Variants in PDE7B observed in about 807,000 individuals in gnomAD.
PDE7B encodes phosphodiesterase 7B.
Under a neutral mutation model 56.2 loss-of-function variants are expected in PDE7B, and 29 were observed. The observed-to-expected ratio is 0.52, with a 90% CI of 0.38 to 0.70. The LOEUF (loss-of-function observed/expected upper bound fraction) is 0.70. PDE7B is among the 30% of genes least tolerant of loss of function. The probability of loss-of-function intolerance (pLI) is 0.00; values close to 1 mark genes in which losing one functional copy is unlikely to be tolerated. For synonymous variants in PDE7B, 197 were observed against 196.9 expected (o/e 1.00, Z 0.00); for missense variants, 490 against 565.0 (o/e 0.87, Z 1.35).
chr6:136,000,943 C>T (rs1775657221), intron 2 of PDE7B, among the ~76,000 whole-genome samples: 1 of 152,204 alleles, frequency 6.6e-6, no homozygotes, highest in Non-Finnish European at 1.5e-5. Context: ...AACTGGGAGG[C>T]ACCCCCCAGT....
intron 2 of PDE7B, among the ~76,000 whole-genome samples, chr6:136,066,635 A>G (rs1422284968): frequency 6.6e-6 from 1 of 152,202 alleles, no homozygotes; most frequent in Non-Finnish European, 1.5e-5. Context: ...CCTTTTTAGG[A>G]TTTTTAAAAA....
At chr6:136,142,209 T>G (rs1228743477) in intron 3 of PDE7B, among the ~76,000 whole-genome samples, 1 of 152,212 alleles carries the variant, frequency 6.6e-6, no homozygotes, top group East Asian at 1.9e-4. Context: ...CATTTCGTTA[T>G]GTACCCAGTA....
chr6:135,909,768 C>T (rs1229770416), intron 1 of PDE7B, among the ~76,000 whole-genome samples: 1 of 152,036 alleles, frequency 6.6e-6, no homozygotes, highest in East Asian at 1.9e-4. Context: ...AAAGTGTCTA[C>T]GCAAAAGTGG....
At chr6:136,138,812 A>G (rs903780339) in intron 3 of PDE7B, among the ~76,000 whole-genome samples, 2 of 152,118 alleles carry the variant, frequency 1.3e-5, no homozygotes, top group Non-Finnish European at 2.9e-5. Flanking sequence ...AAAGTACACA[A>G]ATAAAGAATA....
chr6:136,015,612 G>C (rs1017336345), intron 2 of PDE7B, among the ~76,000 whole-genome samples: 1 of 152,076 alleles, frequency 6.6e-6, no homozygotes, highest in Non-Finnish European at 1.5e-5. Context: ...GAGAACGAGG[G>C]GGAAATTGTC....
chr6:136,007,286 T>G (rs1476288347), intron 2 of PDE7B, among the ~76,000 whole-genome samples: 1 of 152,216 alleles, frequency 6.6e-6, no homozygotes, highest in East Asian at 1.9e-4. Context: ...ATTAGCCTTT[T>G]GATGTGCTGC....
chr6:136,146,587 C>T (rs1342797290), intron 3 of PDE7B, among the ~76,000 whole-genome samples: 2 of 152,122 alleles, frequency 1.3e-5, no homozygotes, highest in African/African-American at 2.4e-5. Context: ...ATATTAGAAA[C>T]CATTTCCTCA....
At chr6:136,038,140 T>TA in intron 2 of PDE7B, 5 of 1,289,064 alleles carry the variant, frequency 3.9e-6, no homozygotes, top group Non-Finnish European at 5.0e-6. Flanking sequence ...GAGAGGATCT[T>TA]ACGGGGGTTC....
chr6:135,892,837 A>G (rs1226929235), intron 1 of PDE7B, among the ~76,000 whole-genome samples: 1 of 152,208 alleles, frequency 6.6e-6, no homozygotes, highest in Non-Finnish European at 1.5e-5. Context: ...TGCCTTATTT[A>G]CAGTGTATTT....
intron 1 of PDE7B, among the ~76,000 whole-genome samples, chr6:135,897,289 G>GTGT (rs1775919387): frequency 4.8e-5 from 7 of 145,592 alleles, no homozygotes; most frequent in African/African-American, 1.9e-4. Context: ...TGTGTGTGTG[G>GTGT]GTATGTGTGT....
chr6:136,164,696 T>C (rs1778765976), intron 8 of PDE7B, among the ~76,000 whole-genome samples: 1 of 152,166 alleles, frequency 6.6e-6, no homozygotes, highest in East Asian at 1.9e-4. Flanking sequence ...ATTTAGACTT[T>C]CATTGCAGAG....
intron 11 of PDE7B, among the ~76,000 whole-genome samples, chr6:136,184,272 T>C (rs1445937426): frequency 6.6e-6 from 1 of 152,170 alleles, no homozygotes; most frequent in Non-Finnish European, 1.5e-5. Context: ...GTCTGAAACA[T>C]AAACGTGTTG....
rs537185111 is a variant in PDE7B at position 135,853,473 on chromosome 6, T to C, written c.21+1454T>C. 1.2e-4 allele frequency among the ~76,000 whole-genome samples: 18 copies of C among 152,342 alleles called. No individual in the cohort carries two copies. The East Asian group carries it at 3.1e-3, about 26-fold the overall frequency. ...CCTCCATTTCCTCTGCTTTATCTTT[T>C]ATTACTGGCTGGTGAAACAAAGACA... On this transcript the variant is annotated intron_variant, in intron 1 of 12. Coordinates refer to ENST00000308191, the MANE Select transcript of PDE7B (RefSeq NM_018945.4).
At chr6:136,173,304 G>C (rs1432015196) in intron 8 of PDE7B, among the ~76,000 whole-genome samples, 2 of 151,728 alleles carry the variant, frequency 1.3e-5, no homozygotes, top group African/African-American at 4.8e-5. Context: ...CCAAAACAGA[G>C]ATATAGATCA....
chr6:135,880,548 A>T (rs991702816), intron 1 of PDE7B, among the ~76,000 whole-genome samples: 3 of 152,198 alleles, frequency 2.0e-5, no homozygotes, highest in African/African-American at 7.2e-5. Context: ...TTGGCAGTAG[A>T]AAAACTGAAA....
intron 2 of PDE7B, among the ~76,000 whole-genome samples, chr6:136,011,250 AG>A (rs1562468965): frequency 6.6e-6 from 1 of 152,148 alleles, no homozygotes. Flanking sequence ...GGGTATCAAG[AG>A]AGCAGGGTAT....
chr6:136,148,028 G>A (rs1374116380), intron 4 of PDE7B, among the ~76,000 whole-genome samples: 2 of 152,006 alleles, frequency 1.3e-5, no homozygotes, highest in African/African-American at 4.8e-5. Flanking sequence ...GACTGAGGGT[G>A]GAAATTAATG....
chr6:136,090,516 C>A (rs1777369655), intron 2 of PDE7B, among the ~76,000 whole-genome samples: 1 of 152,158 alleles, frequency 6.6e-6, no homozygotes, highest in African/African-American at 2.4e-5. Context: ...GAACATACAT[C>A]TTATTGTGCT....
At chr6:136,151,441 G>C (rs916717134) in intron 6 of PDE7B, among the ~76,000 whole-genome samples, 186 bp downstream of exon 6, 5 of 151,982 alleles carry the variant, frequency 3.3e-5, no homozygotes, top group Non-Finnish European at 5.9e-5. Flanking sequence ...TTGTTTACTT[G>C]ATTACAGTTG....
Sources: gnomAD v4.1 joint callset for allele counts (sites outside exome capture counted in the v4.1 genomes callset) on GRCh38, gnomAD v4.1.1 for gene constraint, MANE v1.5 for transcripts, NCBI Gene and HGNC (gene_info 2026-07-23, HGNC 2026-07-21) for gene names.